The following TJP3 variants were observed in gnomAD, a reference collection of about 807,000 sequenced individuals.
TJP3 encodes tight junction protein ZO-3.
Under a neutral mutation model 104.2 loss-of-function variants are expected in TJP3, and 85 were observed. The ratio of observed to expected loss-of-function variants is 0.82; its 90% confidence interval spans 0.68 to 0.98. The LOEUF (loss-of-function observed/expected upper bound fraction) is 0.98. Ranked by LOEUF, TJP3 falls within the 50% of genes least tolerant of loss-of-function variation. TJP3 has a pLI of 0.00. For missense variants in TJP3, 1,367 were observed against 1,322.8 expected (o/e 1.03, Z -0.52); for synonymous variants, 550 against 550.6 (o/e 1.00, Z 0.02).
At position 3,746,616 on chromosome 19, in the gene TJP3, G is replaced by A. The variant is rs763775558; in HGVS notation, c.2142G>A (p.Ala714=). The A allele has an allele frequency of 7.5e-6, 12 of 1,610,470 alleles. No homozygotes were observed. Among genetic ancestry groups the A allele is most frequent in the African/African-American group, 2.7e-5 (2 of 74,884 alleles). Residue 714 remains alanine, a synonymous_variant, in exon 17 of 21, where the codon GCG becomes GCA. Transcript: ENST00000541714. This position sits in a 1 kb window ranked among gnomAD's most constrained non-coding sequence, Gnocchi z 4.1. ...TCAAGGCACTGCGCCAGTGGCTGGCGCCTGCCTCCCGCCGCAGCACCCGTC... is the reference window on the plus strand; with the variant it reads ...TCAAGGCACTGCGCCAGTGGCTGGCACCTGCCTCCCGCCGCAGCACCCGTC... The part of the protein sequence containing the change: ...PALKALRQWL[A]PASRRSTRRL...
At chr19:3,715,150 C>T (rs1462564952) in intron 1 of TJP3, among the ~76,000 whole-genome samples, 42 of 149,464 alleles carry the variant, frequency 2.8e-4, no homozygotes, top group African/African-American at 8.6e-4. Context: ...AGCGCAGTGG[C>T]GCAATCTCGG....
At position 3,750,124 on chromosome 19, in the gene TJP3, C is replaced by T; in HGVS notation, c.2611-14C>T. 6.2e-7 allele frequency: 1 copy of T among 1,614,084 alleles called. No individual in the cohort carries two copies. Among genetic ancestry groups the T allele is most frequent in the South Asian group, 1.1e-5 (1 of 91,080 alleles). On this transcript the variant is annotated splice_polypyrimidine_tract_variant and intron_variant, in intron 19 of 20. Coordinates refer to ENST00000541714, the MANE Select transcript of TJP3 (RefSeq NM_001267560.2). ...GGGGGGAGTTTTGAAGCTCCTCTCT[C>T]CCTCTCCTCCAAGGTGGACAGCCGC...
intron 1 of TJP3, among the ~76,000 whole-genome samples, chr19:3,718,123 G>A (rs954679089): frequency 6.0e-5 from 9 of 149,610 alleles, no homozygotes; most frequent in Admixed American, 6.7e-5. Context: ...GGAGAATGGC[G>A]TGAACCCGGG....
rs2036650464 is a variant in TJP3 at position 3,730,198 on chromosome 19, T to C, written c.261+68T>C. On this transcript the variant is annotated intron_variant, in intron 4 of 20. Transcript: ENST00000541714. This position sits in a 1 kb window ranked among gnomAD's most constrained non-coding sequence, Gnocchi z 7.3. ...GCCTGGGTCGTGCCGCTGTGGGGGT[T>C]GTAAGCTTCTGAGAGCAAGGAGTCA... The C allele has an allele frequency of 6.4e-7, 1 of 1,560,588 alleles. No individual in the cohort carries two copies. Among genetic ancestry groups the C allele is most frequent in the Non-Finnish European group, 8.8e-7 (1 of 1,133,046 alleles).
At position 3,730,735 on chromosome 19, in the gene TJP3, T is replaced by C. The variant is rs1048511642; in HGVS notation, c.613+29T>C. The C allele has an allele frequency of 1.9e-6, 3 of 1,595,576 alleles. No individual in the cohort carries two copies. In the African/African-American group the frequency reaches 4.0e-5, roughly 21 times the overall value. The stretch of plus-strand genomic sequence containing the variant: ...AGAAGAGGCGGGAGGTCGGACACGA[T>C]CAGTACTGGACACAGGGCACCGTGG... On this transcript the variant is annotated intron_variant, in intron 5 of 20. Transcript: ENST00000541714. This position sits in a 1 kb window ranked among gnomAD's most constrained non-coding sequence, Gnocchi z 7.3.
intron 11 of TJP3, 113 bp downstream of exon 11, chr19:3,736,434 C>G: frequency 9.0e-7 from 1 of 1,109,260 alleles, no homozygotes; most frequent in Non-Finnish European, 1.2e-6. Context: ...TGTCGAGACC[C>G]CAGATGGGTA....
At chr19:3,722,452 C>T (rs2036550547) in intron 1 of TJP3, among the ~76,000 whole-genome samples, 1 of 151,930 alleles carries the variant, frequency 6.6e-6, no homozygotes, top group Admixed American at 6.6e-5. Flanking sequence ...ACATTCACCT[C>T]CTACAAGGCT....
At chr19:3,735,530 C>T in intron 8 of TJP3, 36 bp from the exon 9 acceptor site, 1 of 1,608,030 alleles carries the variant, frequency 6.2e-7, no homozygotes, top group Non-Finnish European at 8.5e-7. Flanking sequence ...CCCTTGAAAT[C>T]CATCCCTGCC....
Position 3,747,929 on chromosome 19 carries a change from G to C in TJP3, c.2458G>C (p.Glu820Gln). The C allele has an allele frequency of 1.2e-6, 2 of 1,613,252 alleles. No individual in the cohort carries two copies. The highest frequency in any genetic ancestry group is 4.5e-5 in the East Asian group (2 of 44,872). The change falls in exon 19 of 21, where the codon GAG becomes CAG. Residue 820 changes from glutamate to glutamine, a missense_variant. Physicochemically the swap from Glu to Gln is conservative, Grantham distance 29 (BLOSUM62 2). Transcript: ENST00000541714. Reference sequence around the variant, plus strand: ...CGAGGGCGGCGCGTACACGGATGGCGAGGGCTACACAGACGGCGAGGGGGG... The same window carrying C: ...CGAGGGCGGCGCGTACACGGATGGCCAGGGCTACACAGACGGCGAGGGGGG... The part of the protein sequence containing the change: ...DGEGGAYTDG[E>Q]GYTDGEGGPY...
chr19:3,735,620 A>G lies in TJP3; in HGVS notation c.1041A>G (p.Glu347=). 1.2e-6 allele frequency: 2 copies of G among 1,614,204 alleles called. No homozygotes were observed. The part of the protein sequence containing the change: ...ESSVDSRTIS[E]PDEQRSELPR... ...CAGTAGATTCCAGAACCATCTCGGA[A>G]CCAGATGAGCAACGGTCAGGTGGGT... Residue 347 remains glutamate, a synonymous_variant, in exon 9 of 21, where the codon GAA becomes GAG. Coordinates refer to ENST00000541714, the MANE Select transcript of TJP3 (RefSeq NM_001267560.2).
intron 1 of TJP3, among the ~76,000 whole-genome samples, chr19:3,721,357 T>C (rs1188974535): frequency 2.0e-5 from 3 of 152,084 alleles, no homozygotes; most frequent in Non-Finnish European, 4.4e-5. Flanking sequence ...GGGCAAACCT[T>C]CCAGAGATAA....
In TJP3 at chr19:3,723,797, GA is replaced by G. The variant is rs71339060; in HGVS notation, c.-9-4615del. Among the ~76,000 whole-genome samples the G allele has an allele frequency of 2.7e-3, 345 of 125,760 alleles. 6 individuals are homozygous for G. Among genetic ancestry groups the G allele is most frequent in the African/African-American group, 8.1e-3 (276 of 34,202 alleles). The allele number at this position is 125,760 out of a possible 152,430, so 82.5% of individuals were successfully genotyped here. On this transcript the variant is annotated intron_variant, in intron 1 of 20. Transcript: ENST00000541714. ...GACAGAGTGACACTCTGTCTCAAAAGAAAAAAAAAAAATATATATATATATA... is the reference window on the plus strand; with the variant it reads ...GACAGAGTGACACTCTGTCTCAAAAGAAAAAAAAAAATATATATATATATA...
rs370050572 is a variant in TJP3, at chr19:3,717,958, A to G, written c.-10+9397A>G. 5.0e-3 allele frequency among the ~76,000 whole-genome samples: 743 copies of G among 149,606 alleles called. 5 individuals are homozygous for G. The highest frequency in any genetic ancestry group is 0.014 in the South Asian group (64 of 4,732). ...AGGCCGGGCACGATGGCTCACGCCT[A>G]TAATCCCAGCACTTAGGGAGGCCGA... On this transcript the variant is annotated intron_variant, in intron 1 of 20. Transcript: ENST00000541714.
Position 3,739,151 on chromosome 19 carries a change from C to G in TJP3, c.1631+17C>G. ...CCAGAGCAGGTGGGGACTGTGTGCT[C>G]CTGCAGTGGGGCACTTCTGCTTCAG... On this transcript the variant is annotated intron_variant, in intron 13 of 20. Transcript: ENST00000541714. The G allele has an allele frequency of 6.6e-7, 1 of 1,506,756 alleles. No homozygotes were observed. Among genetic ancestry groups the G allele is most frequent in the East Asian group, 2.3e-5 (1 of 42,994 alleles). 93.3% of individuals were successfully genotyped at this position (1,506,756 alleles called of 1,614,324 possible). A position where few individuals can be genotyped will look rare whatever the true frequency, so the allele number is the denominator to read the frequency against.
chr19:3,721,693 G>T (rs925626362), intron 1 of TJP3: 7 of 364,162 alleles, frequency 1.9e-5, no homozygotes, highest in African/African-American at 1.3e-4. Flanking sequence ...TCTGGGCAGG[G>T]GCGGGGCTGA....
Position 3,747,927 on chromosome 19 carries a change from GCGAGGGCTACACAGA to G in TJP3, c.2459_2473del (p.Glu820_Asp824del). 6.2e-7 allele frequency: 1 copy of G among 1,613,256 alleles called. No homozygotes were observed. Among genetic ancestry groups the G allele is most frequent in the African/African-American group, 1.3e-5 (1 of 75,040 alleles). The stretch of plus-strand genomic sequence containing the variant: ...GGCGAGGGCGGCGCGTACACGGATG[GCGAGGGCTACACAGA>G]CGGCGAGGGGGGGCCCTACACGGAT... On this transcript the variant is annotated inframe_deletion, in exon 19 of 21. Transcript: ENST00000541714.
At chr19:3,710,801 C>T (rs1310215995) in intron 1 of TJP3, among the ~76,000 whole-genome samples, 1 of 151,938 alleles carries the variant, frequency 6.6e-6, no homozygotes, top group African/African-American at 2.4e-5. Context: ...TCGTGGGGCG[C>T]ATATTTTGGT....
intron 1 of TJP3, among the ~76,000 whole-genome samples, chr19:3,708,976 C>T (rs1021616012): frequency 6.6e-6 from 1 of 152,074 alleles, no homozygotes; most frequent in Non-Finnish European, 1.5e-5. Flanking sequence ...CGACCTCACT[C>T]ATCTCTGAGC....
intron 8 of TJP3, among the ~76,000 whole-genome samples, chr19:3,734,718 G>T (rs1205783088): frequency 6.6e-6 from 1 of 152,156 alleles, no homozygotes; most frequent in East Asian, 1.9e-4. Flanking sequence ...ACTTTGGGAG[G>T]CCGAGGAGGG....
Sources: allele counts gnomAD v4.1 joint callset (sites outside exome capture counted in the v4.1 genomes callset), GRCh38; gene constraint gnomAD v4.1.1; non-coding constraint Gnocchi (gnomAD v3.1); transcripts MANE v1.5; gene names NCBI Gene and HGNC (gene_info 2026-07-23, HGNC 2026-07-21).